Variants in SLC12A5 observed in about 807,000 individuals in gnomAD.
SLC12A5 encodes the protein K-Cl cotransporter 2.
Under a neutral mutation model 124.0 loss-of-function variants are expected in SLC12A5, and 18 were observed. That is an observed-to-expected ratio of 0.15 (90% CI 0.10 to 0.22). The LOEUF is 0.22. SLC12A5 is among the 10% of genes least tolerant of loss of function. SLC12A5 has a pLI of 1.00. For missense variants in SLC12A5, 867 were observed against 1,478.7 expected, an observed-to-expected ratio of 0.59 and a Z score of 6.78; for synonymous variants, 589 against 568.0, an observed-to-expected ratio of 1.04 and a Z score of -0.53.
chr20:46,041,546 C>T lies in SLC12A5; in HGVS notation c.1066+6C>T, dbSNP rs762620630. 6.2e-6 allele frequency: 10 copies of T among 1,613,158 alleles called. No individual in the cohort carries two copies. In the East Asian group the frequency reaches 6.7e-5, roughly 11 times the overall value. ...TGCCAGTGGCCTCATCAAAGGTCTG[C>T]GGAGGGACAAGGGCTGGCATCCAGG... is the stretch of plus-strand genomic sequence containing the variant. On this transcript the variant is annotated splice_donor_region_variant and intron_variant, in intron 8 of 25. Coordinates refer to ENST00000243964, the MANE Select transcript of SLC12A5 (RefSeq NM_020708.5).
Position 46,047,555 on chromosome 20 carries a change from A to C in SLC12A5, c.1889A>C (p.Lys630Thr). 6.2e-7 allele frequency: 1 copy of C among 1,613,642 alleles called. No individual in the cohort carries two copies. Among genetic ancestry groups the C allele is most frequent in the Non-Finnish European group, 8.5e-7 (1 of 1,179,810 alleles). Residue 630 changes from lysine to threonine, a missense_variant, in exon 15 of 26, where the codon AAG becomes ACG. Physicochemically the swap from Lys to Thr is moderately conservative, Grantham distance 78. Coordinates refer to ENST00000243964, the MANE Select transcript of SLC12A5 (RefSeq NM_020708.5). ...ATGCTCATTGCTGGACTCATCTACAAGTACATTGAGTACCGTGGGTGAGTG... is the reference window on the plus strand; with the variant it reads ...ATGCTCATTGCTGGACTCATCTACACGTACATTGAGTACCGTGGGTGAGTG... ...VAMLIAGLIY[K>T]YIEYRGAEKE...
At chr20:46,029,136 A>C, upstream of SLC12A5, 1 of 1,391,744 alleles carries the variant, frequency 7.2e-7, no homozygotes, top group Non-Finnish European at 9.3e-7. Flanking sequence ...TGAGGTGAGC[A>C]GCGCCGCTGC....
chr20:46,022,107 G>A, intron 1 of SLC12A5: 2 of 431,824 alleles, frequency 4.6e-6, no homozygotes. Flanking sequence ...GGTGGGCGTG[G>A]CCACGAGGGA....
chr20:46,045,144 A>AGTGTG lies in SLC12A5; in HGVS notation c.1569+6_1569+10dup. ...TGGCATTGTGCCCTTCCTGCAGGTC[A>AGTGTG]GTGTGGGAGAAGAACAGCCCACCCT... On this transcript the variant is annotated splice_donor_region_variant and intron_variant, in intron 12 of 25. Coordinates refer to ENST00000243964, the MANE Select transcript of SLC12A5 (RefSeq NM_020708.5). The surrounding 1 kb of genome is among the most constrained non-coding windows in gnomAD (Gnocchi z 4.9). 1 of 1,562,816 alleles carries AGTGTG rather than the reference A, an allele frequency of 6.4e-7. No homozygotes were observed. Among genetic ancestry groups the AGTGTG allele is most frequent in the South Asian group, 1.2e-5 (1 of 82,992 alleles).
chr20:46,057,235 C>G lies in SLC12A5; in HGVS notation c.3191C>G (p.Ser1064Cys), dbSNP rs1379814505. The G allele has an allele frequency of 6.2e-6, 10 of 1,614,104 alleles. No homozygotes were observed. The highest frequency in any genetic ancestry group is 1.3e-5 in the African/African-American group (1 of 74,930). ...VRLNEVIVKK[S>C]RDAKLVLLNM... The stretch of plus-strand genomic sequence containing the variant: ...CTGAACGAGGTCATCGTGAAGAAAT[C>G]CCGGGACGCCAAGCTTGTTTTGCTC... Residue 1064 changes from serine to cysteine, a missense_variant, in exon 25 of 26, where the codon TCC (serine) becomes TGC (cysteine). Ser to Cys is a moderately radical substitution (Grantham distance 112). Coordinates refer to ENST00000243964, the MANE Select transcript of SLC12A5 (RefSeq NM_020708.5). This position sits in a 1 kb window ranked among gnomAD's most constrained non-coding sequence, Gnocchi z 7.1.
At chr20:46,049,888 C>T in intron 17 of SLC12A5, 98 bp downstream of exon 17, 1 of 1,357,998 alleles carries the variant, frequency 7.4e-7, no homozygotes, top group Non-Finnish European at 9.8e-7. Context: ...CCTTCAGGAT[C>T]AAAGGAAGTG....
In SLC12A5 at chr20:46,039,324, T is replaced by A. The variant is rs968670951; in HGVS notation, c.613-1049T>A. ...GGGAAAACTACTGACAACATTTTGA[T>A]GTACTTATGAAAACACATACAGACG... On this transcript the variant is annotated intron_variant, in intron 6 of 25. Coordinates refer to ENST00000243964, the MANE Select transcript of SLC12A5 (RefSeq NM_020708.5). 5.3e-5 allele frequency among the ~76,000 whole-genome samples: 8 copies of A among 152,378 alleles called. No individual in the cohort carries two copies. The East Asian group carries it at 1.5e-3, about 29-fold the overall frequency.
chr20:46,043,768 G>A (rs2084569290), intron 10 of SLC12A5, 37 bp downstream of exon 10: 1 of 1,613,440 alleles, frequency 6.2e-7, no homozygotes, highest in Non-Finnish European at 8.5e-7. Context: ...ACCCTCGGGG[G>A]AGGGCAAGAG....
rs1600603726 is a variant in SLC12A5, at chr20:46,051,819, C to T, written c.2326C>T (p.Pro776Ser). Reference sequence around the variant, plus strand: ...GCACAACACTGTGCTTGTTGGCTGGCCCCGCAACTGGCGCCAGAAGGAAGA... The same window carrying T: ...GCACAACACTGTGCTTGTTGGCTGGTCCCGCAACTGGCGCCAGAAGGAAGA... Reference protein sequence around the residue: ...LQHNTVLVGWPRNWRQKEDHQ... With the variant: ...LQHNTVLVGWSRNWRQKEDHQ... The change falls in exon 18 of 26, where the codon CCC (proline) becomes TCC (serine). Residue 776 changes from proline (P) to serine (S), a missense_variant. By Grantham distance (74) the Pro-to-Ser change is moderately conservative. Coordinates refer to ENST00000243964, the MANE Select transcript of SLC12A5 (RefSeq NM_020708.5). The T allele has an allele frequency of 1.3e-6, 2 of 1,590,668 alleles. No homozygotes were observed. The highest frequency in any genetic ancestry group is 1.7e-6 in the Non-Finnish European group (2 of 1,170,432).
intron 18 of SLC12A5, 108 bp downstream of exon 18, chr20:46,051,978 G>A (rs564278163): frequency 2.8e-5 from 27 of 953,202 alleles, no homozygotes; most frequent in African/African-American, 5.0e-5. Flanking sequence ...CAAGCACTGC[G>A]TGCCAAGTGT....
At chr20:46,034,764 A>G (rs3746514) in intron 1 of SLC12A5, among the ~76,000 whole-genome samples, 184 bp from the exon 2 acceptor site, 4,492 of 152,226 alleles carry the variant, frequency 0.03, 175 homozygotes, top group Admixed American at 0.12. Flanking sequence ...AGTGCATACC[A>G]GCTAGTGCAT....
intron 5 of SLC12A5, among the ~76,000 whole-genome samples, 189 bp downstream of exon 5, chr20:46,036,984 C>T (rs1393932600): frequency 6.6e-6 from 1 of 151,720 alleles, no homozygotes; most frequent in Admixed American, 6.6e-5. Context: ...GGCAGCCCTC[C>T]CCCAACTCAT....
In SLC12A5 at chr20:46,041,473, A is replaced by C. The variant is rs752337511; in HGVS notation, c.999A>C (p.Glu333Asp). 9 of 1,614,002 alleles carry C rather than the reference A, an allele frequency of 5.6e-6. No individual in the cohort carries two copies. The highest frequency in any genetic ancestry group is 7.6e-6 in the Non-Finnish European group (9 of 1,180,026). ...GCTTCCTCAACGCCACCTGTGATGA[A>C]TACTTCACCCGAAACAATGTCACAG... ...SSRFLNATCDEYFTRNNVTEI... is the reference protein window; with the variant it reads ...SSRFLNATCDDYFTRNNVTEI... Residue 333 changes from glutamate to aspartate, a missense_variant, in exon 8 of 26, where the codon GAA (glutamate) becomes GAC (aspartate). Physicochemically the swap from Glu to Asp is conservative, Grantham distance 45. Coordinates refer to ENST00000243964, the MANE Select transcript of SLC12A5 (RefSeq NM_020708.5).
intron 18 of SLC12A5, 83 bp downstream of exon 18, chr20:46,051,953 G>A: frequency 2.5e-6 from 3 of 1,215,138 alleles, no homozygotes; most frequent in Non-Finnish European, 3.3e-6. Context: ...GCTCCTTTGG[G>A]CCTGAGGGGT....
chr20:46,053,249 T>C lies in SLC12A5; in HGVS notation c.2547+123T>C. ...CTGGCCAGGGTCAGCTTCCGTGTCC[T>C]TCCTCCCCTGTAAACTCCTGGGAAA... On this transcript the variant is annotated intron_variant, in intron 19 of 25. Coordinates refer to ENST00000243964, the MANE Select transcript of SLC12A5 (RefSeq NM_020708.5). The surrounding 1 kb of genome is among the most constrained non-coding windows in gnomAD (Gnocchi z 4.7). The C allele has an allele frequency of 9.2e-7, 1 of 1,082,348 alleles. No homozygotes were observed. The allele number at this position is 1,082,348 out of a possible 1,614,324, so 67.0% of individuals were successfully genotyped here.
intron 6 of SLC12A5, among the ~76,000 whole-genome samples, chr20:46,039,292 C>G (rs16985435): frequency 1.3e-5 from 2 of 152,152 alleles, no homozygotes; most frequent in Admixed American, 1.3e-4. Flanking sequence ...ACATTTTTTA[C>G]GATTCAGGGA....
chr20:46,021,706 G>A, upstream of SLC12A5: 3 of 1,523,916 alleles, frequency 2.0e-6, no homozygotes, highest in South Asian at 1.2e-5. Flanking sequence ...CCTAGAGCCT[G>A]GTTGCAGCCA....
chr20:46,051,752 C>G lies in SLC12A5; in HGVS notation c.2259C>G (p.Gly753=). 1 of 1,611,114 alleles carries G rather than the reference C, an allele frequency of 6.2e-7. No homozygotes were observed. The highest frequency in any genetic ancestry group is 1.1e-5 in the South Asian group (1 of 90,598). Residue 753 remains glycine (G), a synonymous_variant, in exon 18 of 26, where the codon GGC becomes GGG. Coordinates refer to ENST00000243964, the MANE Select transcript of SLC12A5 (RefSeq NM_020708.5). ...QVVISSNLRD[G]VSHLIQSGGL... is the part of the protein sequence containing the mutation. ...TGATCTCCTCCAACTTGCGTGATGGCGTGTCCCATCTGATCCAGTCCGGGG... is the reference window on the plus strand; with the variant it reads ...TGATCTCCTCCAACTTGCGTGATGGGGTGTCCCATCTGATCCAGTCCGGGG...
chr20:46,029,460 A>G, intron 1 of SLC12A5, 64 bp downstream of exon 1: 1 of 1,511,980 alleles, frequency 6.6e-7, no homozygotes, highest in Admixed American at 2.1e-5. Flanking sequence ...CTCTGGGGTT[A>G]GAGGCGGAGC....
Sources: allele counts gnomAD v4.1 joint callset (sites outside exome capture counted in the v4.1 genomes callset), GRCh38; gene constraint gnomAD v4.1.1; non-coding constraint Gnocchi (gnomAD v3.1); transcripts MANE v1.5; gene names NCBI Gene and HGNC (gene_info 2026-07-23, HGNC 2026-07-21).